Variants in PTK2 observed in about 807,000 individuals in gnomAD.
PTK2 encodes focal adhesion kinase 1.
A neutral mutation model predicts 150.1 loss-of-function variants in PTK2; 45 were observed. That is an observed-to-expected ratio of 0.30 (90% confidence interval 0.24 to 0.38). The LOEUF (loss-of-function observed/expected upper bound fraction) is 0.38, where lower values mean the gene tolerates loss of function less well. Ranked by LOEUF, PTK2 falls within the 10% of genes least tolerant of loss-of-function variation. The probability of loss-of-function intolerance (pLI) is 1.00; values close to 1 mark genes in which losing one functional copy is unlikely to be tolerated. For synonymous variants in PTK2, 432 were observed against 449.2 expected (o/e 0.96, Z 0.48); for missense variants, 919 against 1,307.3 (o/e 0.70, Z 4.58).
intron 4 of PTK2, among the ~76,000 whole-genome samples, chr8:140,878,844 T>TA (rs34124997): frequency 0.077 from 9,963 of 128,576 alleles, 610 homozygotes; most frequent in Admixed American, 0.19. Flanking sequence ...TGCTTAGTAG[T>TA]AAAAAAAAAA....
intron 1 of PTK2, among the ~76,000 whole-genome samples, chr8:140,987,257 T>C (rs1165247503): frequency 2.0e-5 from 3 of 152,198 alleles, no homozygotes; most frequent in South Asian, 2.1e-4. Context: ...CTCGGCTGAC[T>C]GCAACCTCTG....
At chr8:140,817,382 T>C (rs568944397) in intron 10 of PTK2, among the ~76,000 whole-genome samples, 1 of 152,224 alleles carries the variant, frequency 6.6e-6, no homozygotes, top group East Asian at 1.9e-4. Flanking sequence ...TATATATGTA[T>C]AGGAAATTAT....
chr8:140,733,984 G>A (rs1239250029), intron 22 of PTK2, among the ~76,000 whole-genome samples: 2 of 152,206 alleles, frequency 1.3e-5, no homozygotes, highest in Admixed American at 6.5e-5. Flanking sequence ...ACAGAACCTA[G>A]CTTAGAATAA....
chr8:140,671,611 T>C (rs1474161247), intron 29 of PTK2, among the ~76,000 whole-genome samples: 2 of 152,050 alleles, frequency 1.3e-5, no homozygotes, highest in Admixed American at 6.6e-5. Context: ...GTATATTTCA[T>C]GTTATTTAAA....
At chr8:140,691,702 C>A (rs2100023311) in intron 26 of PTK2, among the ~76,000 whole-genome samples, 1 of 152,186 alleles carries the variant, frequency 6.6e-6, no homozygotes, top group Non-Finnish European at 1.5e-5. Context: ...AGGCATATAA[C>A]CTCTCTAGGC....
chr8:140,934,743 T>C (rs2100173041), intron 1 of PTK2, among the ~76,000 whole-genome samples: 1 of 152,236 alleles, frequency 6.6e-6, no homozygotes, highest in Non-Finnish European at 1.5e-5. Flanking sequence ...AGTTATATTC[T>C]GCTAAGCCTC....
intron 2 of PTK2, among the ~76,000 whole-genome samples, chr8:140,913,046 A>T (rs953475102): frequency 6.6e-6 from 1 of 152,218 alleles, no homozygotes; most frequent in Non-Finnish European, 1.5e-5. Context: ...GGGGGAAAAA[A>T]GGGGAAATCT....
chr8:140,867,902 C>A (rs541255133), intron 4 of PTK2, among the ~76,000 whole-genome samples: 3 of 152,318 alleles, frequency 2.0e-5, no homozygotes, highest in Non-Finnish European at 4.4e-5. Flanking sequence ...TCTGCTCTTA[C>A]ACGAAACTCG....
intron 2 of PTK2, among the ~76,000 whole-genome samples, chr8:140,922,153 G>C (rs1218475900): frequency 1.3e-5 from 2 of 152,040 alleles, no homozygotes; most frequent in African/African-American, 4.8e-5. Context: ...AGAACAAGAG[G>C]CTTATTTGTG....
intron 14 of PTK2, among the ~76,000 whole-genome samples, chr8:140,784,024 G>A (rs1242335467): frequency 6.6e-6 from 1 of 152,120 alleles, no homozygotes. Flanking sequence ...CTAGCTAGGC[G>A]TGGTGGTGCA....
chr8:140,691,196 GGGGTGGGGGGT>G (rs2100022984), intron 26 of PTK2, among the ~76,000 whole-genome samples: 7 of 147,030 alleles, frequency 4.8e-5, no homozygotes, highest in Admixed American at 4.8e-4. Flanking sequence ...GAGATGGTTG[GGGGTGGGGGGT>G]CTCACTATGT....
At chr8:140,708,829 C>T (rs1192151426) in intron 23 of PTK2, among the ~76,000 whole-genome samples, 1 of 152,104 alleles carries the variant, frequency 6.6e-6, no homozygotes, top group East Asian at 1.9e-4. Flanking sequence ...AATATATACG[C>T]ATTAATGATG....
chr8:140,911,878 A>G (rs2100163312), intron 2 of PTK2, among the ~76,000 whole-genome samples: 1 of 152,230 alleles, frequency 6.6e-6, no homozygotes, highest in Admixed American at 6.5e-5. Context: ...TTACAAACAG[A>G]TATCCCTCAT....
At chr8:140,816,680 C>T (rs2100104899) in intron 10 of PTK2, among the ~76,000 whole-genome samples, 1 of 152,216 alleles carries the variant, frequency 6.6e-6, no homozygotes, top group African/African-American at 2.4e-5. Flanking sequence ...AGAAGAAAAA[C>T]AGTCAAGACA....
chr8:140,988,270 CT>C (rs2100194116), intron 1 of PTK2, among the ~76,000 whole-genome samples: 1 of 152,126 alleles, frequency 6.6e-6, no homozygotes, highest in Non-Finnish European at 1.5e-5. Flanking sequence ...ACAAGTAATT[CT>C]AAAACATATA....
chr8:140,765,422 T>G (rs191459546), intron 14 of PTK2, among the ~76,000 whole-genome samples: 2 of 152,222 alleles, frequency 1.3e-5, no homozygotes, highest in Non-Finnish European at 2.9e-5. Flanking sequence ...TGAGATCAAA[T>G]CTACAAGTGG....
At chr8:140,671,162 TGA>T (rs1200254114) in intron 29 of PTK2, among the ~76,000 whole-genome samples, 1 of 152,178 alleles carries the variant, frequency 6.6e-6, no homozygotes, top group African/African-American at 2.4e-5. Flanking sequence ...TAGGAAAAAT[TGA>T]GACTGATTTT....
chr8:140,998,588 G>T (rs2100198682), intron 1 of PTK2, among the ~76,000 whole-genome samples: 1 of 152,062 alleles, frequency 6.6e-6, no homozygotes. Context: ...GGAGGCCAAG[G>T]TGGGCGGATC....
rs540244746 is a variant in PTK2 at position 140,700,586 on chromosome 8, C to T, written c.2499+305G>A. 4.0e-3 allele frequency among the ~76,000 whole-genome samples: 601 copies of T among 151,670 alleles called. 4 individuals carry two copies. The highest frequency in any genetic ancestry group is 0.014 in the African/African-American group (558 of 41,314). On this transcript the variant is annotated intron_variant, in intron 26 of 31. Transcript: ENST00000522684. ...GCAACCTCCACCTCCTGGGTTCAGG[C>T]GATTCTCCTGCCTCAGCCTCCCAAG...
Sources: gnomAD v4.1 joint callset for allele counts (sites outside exome capture counted in the v4.1 genomes callset) on GRCh38, gnomAD v4.1.1 for gene constraint, MANE v1.5 for transcripts, NCBI Gene and HGNC (gene_info 2026-07-23, HGNC 2026-07-21) for gene names.